ENOX1: variants seen among roughly 807,000 people sequenced by gnomAD.
ENOX1 encodes candidate growth-related and time keeping constitutive hydroquinone (NADH) oxidase.
In ENOX1, 42 loss-of-function variants were observed where a neutral mutation model predicts 82.5. That is an observed-to-expected ratio of 0.51 (90% CI 0.40 to 0.66). The LOEUF is 0.66. Ranked by LOEUF, ENOX1 falls within the 30% of genes least tolerant of loss-of-function variation. The pLI, the probability that ENOX1 is intolerant of heterozygous loss-of-function variation, is 0.00. For synonymous variants in ENOX1, 271 were observed against 282.2 expected, an observed-to-expected ratio of 0.96 and a Z score of 0.40; for missense variants, 608 against 811.6, an observed-to-expected ratio of 0.75 and a Z score of 3.05.
intron 12 of ENOX1, among the ~76,000 whole-genome samples, chr13:43,281,465 T>C (rs1470041547): frequency 1.3e-5 from 2 of 152,156 alleles, no homozygotes; most frequent in African/African-American, 4.8e-5. Flanking sequence ...CCATGAATGA[T>C]AACAGCAAAA....
At chr13:43,492,165 A>G (rs2076641385) in intron 2 of ENOX1, among the ~76,000 whole-genome samples, 1 of 152,244 alleles carries the variant, frequency 6.6e-6, no homozygotes, top group Non-Finnish European at 1.5e-5. Context: ...GACAACAGCC[A>G]GTAAGAAACT....
chr13:43,558,118 C>A (rs1163210899), intron 2 of ENOX1, among the ~76,000 whole-genome samples: 1 of 152,170 alleles, frequency 6.6e-6, no homozygotes, highest in Admixed American at 6.5e-5. Flanking sequence ...GCTGGGAAAC[C>A]AACCTGGTGC....
In ENOX1 at chr13:43,344,723, G is replaced by A. The variant is rs1159688430; in HGVS notation, c.851C>T (p.Thr284Ile). The A allele has an allele frequency of 1.2e-6, 2 of 1,614,152 alleles. No homozygotes were observed. Among genetic ancestry groups the A allele is most frequent in the Non-Finnish European group, 1.7e-6 (2 of 1,180,034 alleles). ...KDDSKFSEAI[T>I]VLLSWIERGE... ...TCGTTCAATCCAGGAAAGCAGCACT[G>A]TGATAGCCTCTGAAAACTTGCTATC... Residue 284 changes from threonine (T) to isoleucine (I), a missense_variant, in exon 9 of 17, where the codon ACA (threonine) becomes ATA (isoleucine). By Grantham distance (89) the Thr-to-Ile change is moderately conservative. Coordinates refer to ENST00000690772, the MANE Select transcript of ENOX1 (RefSeq NM_001347969.2).
intron 5 of ENOX1, among the ~76,000 whole-genome samples, chr13:43,382,393 AAAATGGTATTTCT>A (rs2052113130): frequency 1.3e-5 from 2 of 152,156 alleles, no homozygotes; most frequent in Non-Finnish European, 2.9e-5. Context: ...GATCATACTT[AAAATGGTATTTCT>A]TCATAAGGTC....
chr13:43,667,547 G>A lies in ENOX1; in HGVS notation c.-284-3C>T, dbSNP rs1337748248. On this transcript the variant is annotated splice_region_variant and splice_polypyrimidine_tract_variant and intron_variant, in intron 1 of 16. Coordinates refer to ENST00000690772, the MANE Select transcript of ENOX1 (RefSeq NM_001347969.2). ...ACATCATGCTGGCAGCAAAGGACCTGTAAAATAAAGGCCATCTTGTTAGAA... is the reference window on the plus strand; with the variant it reads ...ACATCATGCTGGCAGCAAAGGACCTATAAAATAAAGGCCATCTTGTTAGAA... The A allele has an allele frequency of 2.1e-6, 2 of 962,168 alleles. No individual in the cohort carries two copies. Among genetic ancestry groups the A allele is most frequent in the East Asian group, 2.3e-4 (2 of 8,864 alleles). The allele number at this position is 962,168 out of a possible 1,614,324, so 59.6% of individuals were successfully genotyped here.
At chr13:43,414,538 A>T (rs893205052) in intron 3 of ENOX1, among the ~76,000 whole-genome samples, 1 of 152,208 alleles carries the variant, frequency 6.6e-6, no homozygotes, top group African/African-American at 2.4e-5. Flanking sequence ...CAGCATAAGA[A>T]ATGCATAGCT....
chr13:43,254,269 G>A (rs1032297776), intron 14 of ENOX1, among the ~76,000 whole-genome samples: 6 of 152,070 alleles, frequency 3.9e-5, no homozygotes, highest in African/African-American at 1.4e-4. Flanking sequence ...CACAGCACAC[G>A]ACCTCAAATA....
chr13:43,412,810 C>T, intron 4 of ENOX1, 35 bp downstream of exon 4: 1 of 1,609,866 alleles, frequency 6.2e-7, no homozygotes, highest in East Asian at 2.2e-5. Flanking sequence ...TCAAAAAATC[C>T]TTGTTTGTGT....
intron 2 of ENOX1, chr13:43,546,147 A>T (rs1010319850): frequency 5.9e-5 from 9 of 152,302 alleles, no homozygotes; most frequent in African/African-American, 1.9e-4. Context: ...TTCTAGTAGG[A>T]AGAGACAAAA....
At chr13:43,328,268 A>G (rs948799569) in intron 9 of ENOX1, among the ~76,000 whole-genome samples, 3 of 152,174 alleles carry the variant, frequency 2.0e-5, no homozygotes, top group Non-Finnish European at 2.9e-5. Context: ...TTTTGTCTGT[A>G]CACAGGCTGG....
intron 2 of ENOX1, among the ~76,000 whole-genome samples, chr13:43,608,194 G>A (rs1051020912): frequency 2.0e-5 from 3 of 152,152 alleles, no homozygotes; most frequent in Non-Finnish European, 2.9e-5. Context: ...GAATGGGTAC[G>A]AGCATGGGGA....
chr13:43,599,631 G>C (rs1346007875), intron 2 of ENOX1, among the ~76,000 whole-genome samples: 2 of 151,930 alleles, frequency 1.3e-5, no homozygotes, highest in Non-Finnish European at 2.9e-5. Flanking sequence ...AAGTTCTGGT[G>C]CTTTGTTGGG....
At chr13:43,595,202 G>A (rs6561132) in intron 2 of ENOX1, among the ~76,000 whole-genome samples, 149,274 of 150,838 alleles carry the variant, frequency 0.99, 73,875 homozygotes, top group Middle Eastern at 1. Context: ...AAGGGAAACC[G>A]GGACCCAAAT....
chr13:43,304,471 C>T (rs1484410880), intron 11 of ENOX1, among the ~76,000 whole-genome samples: 2 of 152,104 alleles, frequency 1.3e-5, no homozygotes, highest in Non-Finnish European at 2.9e-5. Flanking sequence ...GCCGCCCATC[C>T]CAGAGAAAGG....
chr13:43,323,975 A>G (rs2047960099), intron 10 of ENOX1, among the ~76,000 whole-genome samples: 1 of 152,246 alleles, frequency 6.6e-6, no homozygotes, highest in Non-Finnish European at 1.5e-5. Flanking sequence ...GAGAAAGCAG[A>G]GAGACAAGGT....
chr13:43,497,012 A>G (rs1177146338), intron 2 of ENOX1, among the ~76,000 whole-genome samples: 1 of 152,176 alleles, frequency 6.6e-6, no homozygotes, highest in East Asian at 1.9e-4. Context: ...ATTTTGAAAT[A>G]AAAATCTTAA....
chr13:43,452,765 C>T (rs559617958), intron 3 of ENOX1, among the ~76,000 whole-genome samples: 5 of 152,252 alleles, frequency 3.3e-5, no homozygotes, highest in South Asian at 4.2e-4. Flanking sequence ...TCAAGTGATC[C>T]GCCTGCCTAA....
chr13:43,503,430 G>A (rs570252868), intron 2 of ENOX1, among the ~76,000 whole-genome samples: 2 of 151,732 alleles, frequency 1.3e-5, no homozygotes, highest in Admixed American at 1.3e-4. Context: ...AATAGCCAAA[G>A]CAATTTTGAT....
chr13:43,781,827 T>G (rs1413094592), intron 1 of ENOX1, among the ~76,000 whole-genome samples: 1 of 152,190 alleles, frequency 6.6e-6, no homozygotes, highest in Admixed American at 6.5e-5. Flanking sequence ...ACTATTTAAA[T>G]AAGAGTCTGT....
Sources: gnomAD v4.1 joint callset for allele counts (sites outside exome capture counted in the v4.1 genomes callset) on GRCh38, gnomAD v4.1.1 for gene constraint, MANE v1.5 for transcripts, NCBI Gene and HGNC (gene_info 2026-07-23, HGNC 2026-07-21) for gene names.